ASPH: variants seen among roughly 807,000 people sequenced by gnomAD.
ASPH encodes the protein aspartate beta-hydroxylase.
A neutral mutation model predicts 118.4 loss-of-function variants in ASPH; 100 were observed. The observed-to-expected ratio is 0.84, with a 90% CI of 0.72 to 1.00. ASPH has a LOEUF of 1.00. Ranked by LOEUF, ASPH falls within the 50% of genes least tolerant of loss-of-function variation. ASPH has a pLI of 0.00. For missense variants in ASPH, 920 were observed against 919.5 expected (o/e 1.00, Z -0.01); for synonymous variants, 315 against 325.6 (o/e 0.97, Z 0.35).
intron 21 of ASPH, among the ~76,000 whole-genome samples, chr8:61,535,978 C>T (rs1400440948): frequency 6.6e-6 from 1 of 150,760 alleles, no homozygotes; most frequent in Non-Finnish European, 1.5e-5. Flanking sequence ...TCCTAATACA[C>T]TTTGATTAGA....
intron 16 of ASPH, among the ~76,000 whole-genome samples, chr8:61,574,775 C>T (rs1355848219): frequency 6.6e-6 from 1 of 152,136 alleles, no homozygotes; most frequent in Non-Finnish European, 1.5e-5. Context: ...AGCAAACCAC[C>T]ATGGCACGTG....
intron 13 of ASPH, chr8:61,625,184 T>C: frequency 4.1e-6 from 4 of 985,772 alleles, no homozygotes; most frequent in Non-Finnish European, 4.8e-6. Flanking sequence ...AAAGGATTAT[T>C]TTCAACAGAG....
chr8:61,583,944 C>G lies in ASPH; in HGVS notation c.1062G>C (p.Arg354Ser), dbSNP rs1408287251. Residue 354 changes from arginine (R) to serine (S), a missense_variant and splice_region_variant, in exon 15 of 25, where the codon AGG becomes AGC. Transcript: ENST00000379454. ...CATTGCACAAAAAATATCAACCTACCCTTTTACGGAGTTTTTCTGCAGCAT... is the reference window on the plus strand; with the variant it reads ...CATTGCACAAAAAATATCAACCTACGCTTTTACGGAGTTTTTCTGCAGCAT... ...ELDAAEKLRK[R>S]GKIEEAVNAF... 1 of 1,568,790 alleles carries G rather than the reference C, an allele frequency of 6.4e-7. No individual in the cohort carries two copies. The highest frequency in any genetic ancestry group is 8.7e-7 in the Non-Finnish European group (1 of 1,152,044).
intron 1 of ASPH, chr8:61,684,487 C>CT (rs1829601284): frequency 4.2e-6 from 1 of 235,744 alleles, no homozygotes; most frequent in Admixed American, 5.2e-5. Flanking sequence ...AATATTACCT[C>CT]TTTCCAAAGG....
rs202225096 is a variant in ASPH at position 61,683,273 on chromosome 8, T to TA, written c.253+765dup. Among the ~76,000 whole-genome samples, 625 of 150,856 alleles carry TA rather than the reference T, an allele frequency of 4.1e-3. 3 individuals carry two copies. The highest frequency in any genetic ancestry group is 0.031 in the Middle Eastern group (9 of 290). On this transcript the variant is annotated intron_variant, in intron 2 of 24. Coordinates refer to ENST00000379454, the MANE Select transcript of ASPH (RefSeq NM_004318.4). The stretch of plus-strand genomic sequence containing the variant: ...TGGGTATATAAAATGATGAATATAG[T>TA]AAAAAAAAACTGAATTGTACACATT...
intron 5 of ASPH, 21 bp downstream of exon 5, chr8:61,651,029 A>C: frequency 6.3e-7 from 1 of 1,593,882 alleles, no homozygotes; most frequent in Non-Finnish European, 8.6e-7. Context: ...CTCAAAACAA[A>C]GAGCAGATTT....
chr8:61,675,204 C>T (rs1824669863), intron 3 of ASPH: 1 of 658,232 alleles, frequency 1.5e-6, no homozygotes, highest in South Asian at 6.9e-5. Flanking sequence ...TACATCTAAG[C>T]CAAAATCAAT....
intron 22 of ASPH, among the ~76,000 whole-genome samples, chr8:61,521,719 G>A (rs2129620875): frequency 6.6e-6 from 1 of 152,306 alleles, no homozygotes; most frequent in South Asian, 2.1e-4. Flanking sequence ...AATAAACCTT[G>A]CTTCTTTGGG....
At chr8:61,529,797 G>C (rs1317913707) in intron 21 of ASPH, among the ~76,000 whole-genome samples, 22 of 152,164 alleles carry the variant, frequency 1.4e-4, no homozygotes. Context: ...CCACTTTCTG[G>C]TTCATAGATG....
At chr8:61,596,145 C>T (rs559286129) in intron 14 of ASPH, among the ~76,000 whole-genome samples, 4 of 152,036 alleles carry the variant, frequency 2.6e-5, no homozygotes, top group South Asian at 2.1e-4. Flanking sequence ...TCACCTGGCC[C>T]GCCACCACCA....
At chr8:61,552,596 A>G (rs1826400301) in intron 20 of ASPH, among the ~76,000 whole-genome samples, 1 of 152,220 alleles carries the variant, frequency 6.6e-6, no homozygotes, top group Non-Finnish European at 1.5e-5. Context: ...CCAAAATAAA[A>G]CAAAAATGAA....
chr8:61,570,057 G>T (rs1174817244), intron 16 of ASPH, among the ~76,000 whole-genome samples: 2 of 152,090 alleles, frequency 1.3e-5, no homozygotes, highest in African/African-American at 2.4e-5. Context: ...ACTTTCGACG[G>T]GTTTACACCT....
chr8:61,554,901 T>C (rs1375991042), intron 19 of ASPH, among the ~76,000 whole-genome samples: 1 of 152,074 alleles, frequency 6.6e-6, no homozygotes, highest in African/African-American at 2.4e-5. Flanking sequence ...TCTGTAGAGA[T>C]GGGAATCTCA....
intron 14 of ASPH, among the ~76,000 whole-genome samples, chr8:61,587,051 C>T (rs1055077736): frequency 1.3e-5 from 2 of 152,190 alleles, no homozygotes; most frequent in African/African-American, 4.8e-5. Context: ...ATCCAAACCC[C>T]CTCTTTTAAT....
chr8:61,526,149 G>A (rs747259409), intron 21 of ASPH, 37 bp from the exon 22 acceptor site: 122 of 1,611,784 alleles, frequency 7.6e-5, no homozygotes, highest in Non-Finnish European at 9.7e-5. Flanking sequence ...GACTGAAAAA[G>A]GGCCTGGTGG....
At chr8:61,535,055 T>C (rs916892956) in intron 21 of ASPH, among the ~76,000 whole-genome samples, 3 of 152,220 alleles carry the variant, frequency 2.0e-5, no homozygotes, top group African/African-American at 7.2e-5. Context: ...CCTCTTCTTA[T>C]AAGGACACCA....
chr8:61,616,847 G>A (rs1427768583), intron 14 of ASPH, among the ~76,000 whole-genome samples: 1 of 152,156 alleles, frequency 6.6e-6, no homozygotes, highest in East Asian at 1.9e-4. Flanking sequence ...TGTGTGTACT[G>A]CTGGTCTCCC....
At chr8:61,662,569 A>G (rs1185908234) in intron 3 of ASPH, among the ~76,000 whole-genome samples, 1 of 152,250 alleles carries the variant, frequency 6.6e-6, no homozygotes, top group Non-Finnish European at 1.5e-5. Flanking sequence ...CCCTCTAATC[A>G]TGACTGAAAG....
intron 23 of ASPH, 133 bp from the exon 24 acceptor site, chr8:61,517,794 C>A: frequency 7.7e-7 from 1 of 1,300,352 alleles, no homozygotes; most frequent in Non-Finnish European, 1.0e-6. Flanking sequence ...ATATTCAAGT[C>A]TTATTTCTTT....
Sources: gnomAD v4.1 joint callset for allele counts (sites outside exome capture counted in the v4.1 genomes callset) on GRCh38, gnomAD v4.1.1 for gene constraint, MANE v1.5 for transcripts, NCBI Gene and HGNC (gene_info 2026-07-23, HGNC 2026-07-21) for gene names.